Variants in KCNB2 observed in about 807,000 individuals in gnomAD.
KCNB2 encodes delayed rectifier potassium channel protein.
KCNB2 carries 15 observed loss-of-function variants against 61.5 expected under a neutral mutation model. The ratio of observed to expected loss-of-function variants is 0.24; its 90% CI spans 0.16 to 0.38. The LOEUF (loss-of-function observed/expected upper bound fraction) is 0.38, where lower values mean the gene tolerates loss of function less well. KCNB2 is among the 10% of genes least tolerant of loss of function. The probability of loss-of-function intolerance (pLI) is 1.00; values close to 1 mark genes in which losing one functional copy is unlikely to be tolerated. For missense variants in KCNB2, 828 were observed against 1,125.2 expected (o/e 0.74, Z 3.78); for synonymous variants, 457 against 446.0 (o/e 1.02, Z -0.31).
At chr8:72,794,479 C>T (rs1808995729) in intron 2 of KCNB2, among the ~76,000 whole-genome samples, 2 of 147,910 alleles carry the variant, frequency 1.4e-5, no homozygotes, top group Non-Finnish European at 3.0e-5. Flanking sequence ...GCAGGGGAAT[C>T]GCTTGAACCC....
chr8:72,825,908 A>T (rs2129001473), intron 2 of KCNB2, among the ~76,000 whole-genome samples: 1 of 152,196 alleles, frequency 6.6e-6, no homozygotes, highest in African/African-American at 2.4e-5. Context: ...GATATAGTCC[A>T]ATGTATCTAT....
At chr8:72,870,446 G>A (rs1396312958) in intron 2 of KCNB2, among the ~76,000 whole-genome samples, 1 of 152,098 alleles carries the variant, frequency 6.6e-6, no homozygotes, top group Non-Finnish European at 1.5e-5. Flanking sequence ...TATATTACTT[G>A]TATCATAGTC....
At chr8:72,816,658 C>T (rs922257105) in intron 2 of KCNB2, among the ~76,000 whole-genome samples, 7 of 152,102 alleles carry the variant, frequency 4.6e-5, no homozygotes, top group Non-Finnish European at 7.4e-5. Context: ...TAAAGAATGC[C>T]CTACCAAGCT....
intron 2 of KCNB2, among the ~76,000 whole-genome samples, chr8:72,718,844 A>G (rs1380714230): frequency 6.6e-6 from 1 of 152,090 alleles, no homozygotes; most frequent in African/African-American, 2.4e-5. Flanking sequence ...ACAGGTGAGT[A>G]TTGTTATGGG....
intron 2 of KCNB2, among the ~76,000 whole-genome samples, chr8:72,724,493 C>T (rs977436652): frequency 2.6e-5 from 4 of 152,132 alleles, no homozygotes; most frequent in African/African-American, 9.7e-5. Context: ...TATTTTAAGA[C>T]AAACAGCTGC....
At chr8:72,897,880 G>A (rs762235193) in intron 2 of KCNB2, among the ~76,000 whole-genome samples, 3 of 152,112 alleles carry the variant, frequency 2.0e-5, no homozygotes, top group South Asian at 2.1e-4. Context: ...GGTGCACCCT[G>A]TTCTCAGATA....
At chr8:72,628,234 G>A (rs1411552445) in intron 2 of KCNB2, among the ~76,000 whole-genome samples, 3 of 152,130 alleles carry the variant, frequency 2.0e-5, no homozygotes, top group South Asian at 2.1e-4. Context: ...GATTACAGGC[G>A]TGAGCCATCA....
intron 2 of KCNB2, among the ~76,000 whole-genome samples, chr8:72,713,673 C>A (rs1172286332): frequency 6.6e-6 from 1 of 152,130 alleles, no homozygotes; most frequent in Non-Finnish European, 1.5e-5. Flanking sequence ...TCACCATCAT[C>A]AAAGACCAAA....
intron 1 of KCNB2, among the ~76,000 whole-genome samples, chr8:72,543,489 C>A (rs1806218939): frequency 6.6e-6 from 1 of 152,158 alleles, no homozygotes; most frequent in Non-Finnish European, 1.5e-5. Context: ...TTGAGTGTGA[C>A]AGCAGCAATT....
At chr8:72,624,298 G>A (rs890243893) in intron 2 of KCNB2, among the ~76,000 whole-genome samples, 1 of 152,168 alleles carries the variant, frequency 6.6e-6, no homozygotes, top group South Asian at 2.1e-4. Flanking sequence ...TTATCTATAT[G>A]TTCAGAAAAC....
intron 2 of KCNB2, among the ~76,000 whole-genome samples, chr8:72,779,748 T>C (rs760922163): frequency 7.9e-5 from 12 of 152,188 alleles, no homozygotes; most frequent in Non-Finnish European, 1.8e-4. Flanking sequence ...GGTCAGTACA[T>C]GTAAAACTGT....
At chr8:72,734,317 T>C (rs532929942) in intron 2 of KCNB2, among the ~76,000 whole-genome samples, 1 of 152,312 alleles carries the variant, frequency 6.6e-6, no homozygotes, top group South Asian at 2.1e-4. Flanking sequence ...ATTCTTATAA[T>C]GAAACTTTGA....
chr8:72,869,982 T>C (rs1272298595), intron 2 of KCNB2, among the ~76,000 whole-genome samples: 1 of 152,172 alleles, frequency 6.6e-6, no homozygotes, highest in Non-Finnish European at 1.5e-5. Flanking sequence ...AAACATGCTA[T>C]ATACATACAA....
intron 2 of KCNB2, among the ~76,000 whole-genome samples, chr8:72,658,283 T>C (rs1204067494): frequency 6.6e-6 from 1 of 152,166 alleles, no homozygotes; most frequent in Admixed American, 6.6e-5. Context: ...TTATTGTTAA[T>C]ATGTAGAAAG....
At position 72,937,392 on chromosome 8, in the gene KCNB2, T is replaced by C. The variant is rs933260632; in HGVS notation, c.2037T>C (p.Asp679=). Reference sequence around the variant, plus strand: ...CAGTTGACATAACTGTGAACCTCGATGCCAGTGGCTCCCAGTGTGGGCTAC... The same window carrying C: ...CAGTTGACATAACTGTGAACCTCGACGCCAGTGGCTCCCAGTGTGGGCTAC... ...YAPVDITVNL[D]ASGSQCGLHS... The change falls in exon 3 of 3, where the codon GAT becomes GAC. Residue 679 remains aspartate, a synonymous_variant. Transcript: ENST00000523207. 4 of 1,614,054 alleles carry C rather than the reference T, an allele frequency of 2.5e-6. No individual in the cohort carries two copies. Among genetic ancestry groups the C allele is most frequent in the South Asian group, 2.2e-5 (2 of 91,074 alleles).
intron 2 of KCNB2, chr8:72,750,285 C>T (rs1270086037): frequency 6.6e-6 from 1 of 152,116 alleles, no homozygotes; most frequent in Non-Finnish European, 1.5e-5. Flanking sequence ...CCTGTTCTCC[C>T]AGCAGTGGAT....
intron 2 of KCNB2, among the ~76,000 whole-genome samples, chr8:72,931,594 CTGTT>C (rs1296003640): frequency 3.3e-5 from 5 of 152,114 alleles, no homozygotes; most frequent in East Asian, 1.9e-4. Context: ...ATTTGGCTCT[CTGTT>C]TGTCTGTTAT....
intron 2 of KCNB2, among the ~76,000 whole-genome samples, chr8:72,804,416 G>A (rs974367173): frequency 6.6e-6 from 1 of 152,036 alleles, no homozygotes; most frequent in African/African-American, 2.4e-5. Flanking sequence ...ACTGCTAATG[G>A]TCATTTGGAA....
At chr8:72,558,326 G>T (rs1171817681) in intron 1 of KCNB2, among the ~76,000 whole-genome samples, 1 of 152,160 alleles carries the variant, frequency 6.6e-6, no homozygotes, top group Non-Finnish European at 1.5e-5. Flanking sequence ...CAGTGTAGGG[G>T]TTCATACATA....
Sources: allele counts gnomAD v4.1 joint callset (sites outside exome capture counted in the v4.1 genomes callset), GRCh38; gene constraint gnomAD v4.1.1; transcripts MANE v1.5; gene names NCBI Gene and HGNC (gene_info 2026-07-23, HGNC 2026-07-21).